INPP5D: variants seen among roughly 807,000 people sequenced by gnomAD.
INPP5D encodes phosphatidylinositol 3,4,5-trisphosphate 5-phosphatase 1.
INPP5D carries 33 observed loss-of-function variants against 122.9 expected under a neutral mutation model. That is an observed-to-expected ratio of 0.27 (90% confidence interval 0.20 to 0.36). INPP5D has a LOEUF of 0.36. Among genes scored for constraint, INPP5D ranks in the 10% least tolerant of loss-of-function variants. The probability of loss-of-function intolerance (pLI) is 1.00; values close to 1 mark genes in which losing one functional copy is unlikely to be tolerated. For missense variants in INPP5D, 1,053 were observed against 1,412.7 expected, an observed-to-expected ratio of 0.75 and a Z score of 4.08; for synonymous variants, 584 against 576.2, an observed-to-expected ratio of 1.01 and a Z score of -0.19.
chr2:233,185,707 C>T, intron 20 of INPP5D, 136 bp from the exon 21 acceptor site: 1 of 1,065,642 alleles, frequency 9.4e-7, no homozygotes, highest in Non-Finnish European at 1.2e-6. Flanking sequence ...ATGCTGAGGC[C>T]CCGAGATAAA....
intron 5 of INPP5D, among the ~76,000 whole-genome samples, chr2:233,131,582 C>T (rs1693328600): frequency 6.6e-6 from 1 of 152,050 alleles, no homozygotes; most frequent in Non-Finnish European, 1.5e-5. Flanking sequence ...CACCTGTGAT[C>T]CCAGCTACTC....
intron 5 of INPP5D, among the ~76,000 whole-genome samples, chr2:233,132,322 A>G (rs938902284): frequency 6.6e-6 from 1 of 152,192 alleles, no homozygotes; most frequent in African/African-American, 2.4e-5. Flanking sequence ...ACTTCTGCAC[A>G]TTGTTAGATT....
chr2:233,102,359 G>A (rs574560028), intron 2 of INPP5D, among the ~76,000 whole-genome samples: 2 of 152,262 alleles, frequency 1.3e-5, no homozygotes, highest in African/African-American at 4.8e-5. Context: ...TTTCCCCCAT[G>A]GGCCCCAGTC....
chr2:233,169,465 C>T (rs1694433515), intron 14 of INPP5D, 64 bp downstream of exon 14: 4 of 1,546,978 alleles, frequency 2.6e-6, no homozygotes, highest in Non-Finnish European at 3.5e-6. Flanking sequence ...CGCCTCACAC[C>T]TTTAAGCACC....
chr2:233,080,521 T>C (rs971441486), intron 2 of INPP5D, among the ~76,000 whole-genome samples: 5 of 151,928 alleles, frequency 3.3e-5, no homozygotes, highest in South Asian at 4.2e-4. Flanking sequence ...GGCACAGCAG[T>C]GCATCCACGT....
intron 2 of INPP5D, among the ~76,000 whole-genome samples, chr2:233,095,520 G>A (rs1692111569): frequency 6.6e-6 from 1 of 151,784 alleles, no homozygotes; most frequent in South Asian, 2.1e-4. Context: ...CTACTTGGGA[G>A]GCTGAGGCAG....
chr2:233,113,816 A>G (rs68147208), intron 2 of INPP5D, among the ~76,000 whole-genome samples: 13,795 of 151,804 alleles, frequency 0.091, 912 homozygotes, highest in African/African-American at 0.19. Flanking sequence ...CAGCGTCCAC[A>G]CCGTAGCCGA....
intron 24 of INPP5D, among the ~76,000 whole-genome samples, chr2:233,196,827 C>A (rs1243897592): frequency 6.6e-6 from 1 of 152,088 alleles, no homozygotes; most frequent in Non-Finnish European, 1.5e-5. Context: ...CTCATCCCCA[C>A]CAACCCTTGC....
chr2:233,201,906 A>G (rs1695350126), intron 25 of INPP5D, among the ~76,000 whole-genome samples: 1 of 152,168 alleles, frequency 6.6e-6, no homozygotes, highest in Non-Finnish European at 1.5e-5. Context: ...GGCCTGCTAT[A>G]GGAGTCAATT....
At chr2:233,129,586 T>G (rs1693259685) in intron 4 of INPP5D, among the ~76,000 whole-genome samples, 1 of 152,148 alleles carries the variant, frequency 6.6e-6, no homozygotes, top group African/African-American at 2.4e-5. Flanking sequence ...CTCTGTACAC[T>G]GAAGGGGTTG....
intron 2 of INPP5D, among the ~76,000 whole-genome samples, chr2:233,094,890 T>C (rs1183729130): frequency 1.3e-5 from 2 of 152,166 alleles, no homozygotes; most frequent in Non-Finnish European, 2.9e-5. Flanking sequence ...ATCCGTAATG[T>C]CTGGGTGCAG....
intron 2 of INPP5D, among the ~76,000 whole-genome samples, chr2:233,085,551 C>T (rs1266195098): frequency 6.6e-6 from 1 of 152,042 alleles, no homozygotes; most frequent in Non-Finnish European, 1.5e-5. Flanking sequence ...ATTGATAGTA[C>T]CTGCAATGTG....
At chr2:233,146,569 T>C (rs946195227) in intron 8 of INPP5D, 131 bp downstream of exon 8, 2 of 671,686 alleles carry the variant, frequency 3.0e-6, no homozygotes, top group Non-Finnish European at 5.5e-6. Context: ...TAGCCAAGAA[T>C]GGCAGTCAGT....
intron 18 of INPP5D, among the ~76,000 whole-genome samples, chr2:233,180,016 T>G (rs1424338013): frequency 6.6e-6 from 1 of 152,008 alleles, no homozygotes; most frequent in Non-Finnish European, 1.5e-5. Context: ...AGATCTGGGG[T>G]CGGCTGGCTG....
At chr2:233,159,534 C>CAAAA (rs1559325530) in intron 10 of INPP5D, among the ~76,000 whole-genome samples, 9 of 88,202 alleles carry the variant, frequency 1.0e-4, no homozygotes, top group Admixed American at 2.1e-4. Flanking sequence ...CTCATCTCTA[C>CAAAA]GAAAAAAAAA....
At position 233,113,116 on chromosome 2, in the gene INPP5D, C is replaced by T. The variant is rs185780354; in HGVS notation, c.199-8991C>T. Among the ~76,000 whole-genome samples the T allele has an allele frequency of 2.4e-3, 360 of 152,234 alleles. 3 individuals are homozygous for T. The highest frequency in any genetic ancestry group is 8.0e-3 in the African/African-American group (334 of 41,546). The stretch of plus-strand genomic sequence containing the variant: ...CCTGCTTCTTCCCCATGTATTATCC[C>T]CAAGAAGGGTAATCCCCTTCTTGGA... On this transcript the variant is annotated intron_variant, in intron 2 of 26. Transcript: ENST00000445964.
rs1255459413 is a variant in INPP5D, at chr2:233,166,875, T to C, written c.1556-2430T>C. 3.3e-5 allele frequency among the ~76,000 whole-genome samples: 5 copies of C among 151,996 alleles called. No individual in the cohort carries two copies. In the East Asian group the frequency reaches 9.7e-4, roughly 29 times the overall value. ...GGTGCGCACCTGTAATCCCAGCTGC[T>C]TGGGAGGCTGAGGCAGGAGAATCGC... On this transcript the variant is annotated intron_variant, in intron 13 of 26. Coordinates refer to ENST00000445964, the MANE Select transcript of INPP5D (RefSeq NM_001017915.3).
In INPP5D at chr2:233,164,938, G is replaced by T. The variant is rs754563817; in HGVS notation, c.1555+514G>T. Among the ~76,000 whole-genome samples the T allele has an allele frequency of 3.9e-5, 6 of 152,216 alleles. No homozygotes were observed. The highest frequency in any genetic ancestry group is 7.3e-5 in the Non-Finnish European group (5 of 68,038). On this transcript the variant is annotated intron_variant, in intron 13 of 26. Transcript: ENST00000445964. The surrounding 1 kb of genome is among the most constrained non-coding windows in gnomAD (Gnocchi z 4.3). ...AGTGAGACCTTCCTTACAAGCACAG[G>T]CGGGAGGTGGCTGGCCCCTGCCCTC...
At chr2:233,194,950 C>T (rs932690569) in intron 23 of INPP5D, among the ~76,000 whole-genome samples, 1 of 151,956 alleles carries the variant, frequency 6.6e-6, no homozygotes, top group Non-Finnish European at 1.5e-5. Context: ...TACAGGTGCC[C>T]ACCACTGGCT....
Sources: allele counts gnomAD v4.1 joint callset (sites outside exome capture counted in the v4.1 genomes callset), GRCh38; gene constraint gnomAD v4.1.1; non-coding constraint Gnocchi (gnomAD v3.1); transcripts MANE v1.5; gene names NCBI Gene and HGNC (gene_info 2026-07-23, HGNC 2026-07-21).